TMLHE: variants seen among roughly 807,000 people sequenced by gnomAD.
TMLHE encodes the protein trimethyllysine hydroxylase, epsilon.
In TMLHE, 18 loss-of-function variants were observed where a neutral mutation model predicts 25.7. The observed-to-expected ratio is 0.70, with a 90% confidence interval of 0.48 to 1.04. The LOEUF (loss-of-function observed/expected upper bound fraction) is 1.04, where lower values mean the gene tolerates loss of function less well. Ranked by LOEUF, TMLHE falls within the 50% of genes least tolerant of loss-of-function variation. The pLI, the probability that TMLHE is intolerant of heterozygous loss-of-function variation, is 0.00. For synonymous variants in TMLHE, 105 were observed against 97.0 expected (o/e 1.08, Z -0.49); for missense variants, 236 against 259.0 (o/e 0.91, Z 0.61).
intron 2 of TMLHE, among the ~76,000 whole-genome samples, chrX:155,529,881 T>C (rs2067240007): frequency 8.9e-6 from 1 of 112,129 alleles, no homozygotes; most frequent in Admixed American, 9.5e-5. Flanking sequence ...TTTTGGTTTT[T>C]GTATCCTAAG....
intron 2 of TMLHE, among the ~76,000 whole-genome samples, chrX:155,532,087 T>C (rs1049037791): frequency 9.0e-6 from 1 of 111,396 alleles, no homozygotes; most frequent in African/African-American, 3.3e-5. Flanking sequence ...AACAAACAAA[T>C]ACACAAAATA....
intron 1 of TMLHE, among the ~76,000 whole-genome samples, chrX:155,551,696 G>A (rs1488403970): frequency 9.1e-6 from 1 of 109,855 alleles, no homozygotes; most frequent in Non-Finnish European, 1.9e-5. Context: ...ATTTGCTCCT[G>A]TAAGTTCTCT....
rs200585049 is a variant in TMLHE at position 155,524,606 on chromosome X, G to A, written c.208C>T (p.Arg70Cys). Residue 70 changes from arginine to cysteine, a missense_variant, in exon 3 of 8, where the codon CGC (arginine) becomes TGC (cysteine). Arg to Cys is a radical substitution (Grantham distance 180). Around this residue, in one of 2 missense-constraint regions of TMLHE, gnomAD observed 217 missense variants for 214.6 expected, o/e 1.01. Transcript: ENST00000334398. ...TCTCGAAGCCAGACGTAATCAAAGC[G>A]CATCACGGTATTAGCATATTTCAGC... Reference protein sequence around the residue: ...FELKYANTVMRFDYVWLRDHC... With the variant: ...FELKYANTVMCFDYVWLRDHC... 183 of 1,197,179 alleles carry A rather than the reference G, an allele frequency of 1.5e-4. No homozygotes were observed. Among genetic ancestry groups the A allele is most frequent in the Middle Eastern group, 4.7e-4 (2 of 4,294 alleles).
chrX:155,556,236 A>T (rs782488740), intron 1 of TMLHE, among the ~76,000 whole-genome samples: 9 of 106,144 alleles, frequency 8.5e-5, no homozygotes, highest in African/African-American at 2.8e-4. Context: ...AATTCAGCCA[A>T]CCAGAAAGGA....
intron 1 of TMLHE, among the ~76,000 whole-genome samples, chrX:155,553,935 G>A (rs1407200148): frequency 9.1e-6 from 1 of 110,184 alleles, no homozygotes; most frequent in Non-Finnish European, 1.9e-5. Flanking sequence ...CTATTATTGT[G>A]TATTTTAATT....
Position 155,524,483 on chromosome X carries a change from G to C in TMLHE, c.331C>G (p.Leu111Val). The change falls in exon 3 of 8, where the codon CTG becomes GTG. Residue 111 changes from leucine to valine, a missense_variant. This residue lies in a region of TMLHE where 217 missense variants were observed against 214.6 expected (regional missense o/e 1.01). Coordinates refer to ENST00000334398, the MANE Select transcript of TMLHE (RefSeq NM_018196.4). The stretch of plus-strand genomic sequence containing the variant: ...GTGAAAAAGAGTGTGGTCTCATCCA[G>C]ACGAATGGTCTTTGGCTTGATACAT... Reference protein sequence around the residue: ...DLCIKPKTIRLDETTLFFTWP... With the variant: ...DLCIKPKTIRVDETTLFFTWP... 8.3e-7 allele frequency: 1 copy of C among 1,202,304 alleles called. No individual in the cohort carries two copies. Among genetic ancestry groups the C allele is most frequent in the Non-Finnish European group, 1.1e-6 (1 of 890,870 alleles).
chrX:155,516,858 TG>T (rs1395491179), intron 3 of TMLHE, among the ~76,000 whole-genome samples: 1 of 68,361 alleles, frequency 1.5e-5, no homozygotes, highest in African/African-American at 4.9e-5. Context: ...CACTTTTTGA[TG>T]GGGTTGTTTG....
At chrX:155,513,298 T>C (rs1207390364) in intron 4 of TMLHE, among the ~76,000 whole-genome samples, 1 of 111,410 alleles carries the variant, frequency 9.0e-6, no homozygotes, top group African/African-American at 3.3e-5. Context: ...AAAAAAACAA[T>C]GTATTTAGGA....
intron 3 of TMLHE, among the ~76,000 whole-genome samples, chrX:155,517,685 T>C (rs1557335351): frequency 2.6e-3 from 2 of 771 alleles, no homozygotes; most frequent in Non-Finnish European, 3.2e-3. Flanking sequence ...TGTGTCCTCT[T>C]TTATTTCCTT....
At chrX:155,543,638 A>C (rs782000928) in intron 2 of TMLHE, among the ~76,000 whole-genome samples, 1 of 112,348 alleles carries the variant, frequency 8.9e-6, no homozygotes, top group Non-Finnish European at 1.9e-5. Flanking sequence ...TCCTGTCAAA[A>C]TTTCAATTAC....
intron 1 of TMLHE, among the ~76,000 whole-genome samples, chrX:155,553,568 A>ATT (rs1201199712): frequency 1.8e-5 from 2 of 109,985 alleles, no homozygotes; most frequent in Non-Finnish European, 3.8e-5. Context: ...CATTTTATAT[A>ATT]TCTCTTATAA....
In TMLHE at chrX:155,524,580, G is replaced by T; in HGVS notation, c.234C>A (p.Asp78Glu). 1 of 1,206,118 alleles carries T rather than the reference G, an allele frequency of 8.3e-7. No homozygotes were observed. Residue 78 changes from aspartate (D) to glutamate (E), a missense_variant, in exon 3 of 8, where the codon GAC (aspartate) becomes GAA (glutamate). Around this residue, in one of 2 missense-constraint regions of TMLHE, gnomAD observed 217 missense variants for 214.6 expected, o/e 1.01. Coordinates refer to ENST00000334398, the MANE Select transcript of TMLHE (RefSeq NM_018196.4). ...TGTAGCACGATGCTGAGCGGCAGTG[G>T]TCTCGAAGCCAGACGTAATCAAAGC... ...VMRFDYVWLR[D>E]HCRSASCYNS...
intron 4 of TMLHE, among the ~76,000 whole-genome samples, chrX:155,512,218 C>T (rs1326159820): frequency 4.5e-4 from 49 of 109,483 alleles, no homozygotes; most frequent in Admixed American, 3.8e-3. Flanking sequence ...GCACAATGTG[C>T]AGGTTTGTTA....
At chrX:155,549,358 T>C (rs1046165257) in intron 1 of TMLHE, among the ~76,000 whole-genome samples, 11 of 110,717 alleles carry the variant, frequency 9.9e-5, no homozygotes, top group Non-Finnish European at 2.1e-4. Context: ...TTTTGGATTT[T>C]TTTGTTATTG....
At chrX:155,526,700 T>C (rs886229248) in intron 2 of TMLHE, among the ~76,000 whole-genome samples, 1 of 112,788 alleles carries the variant, frequency 8.9e-6, no homozygotes, top group Non-Finnish European at 1.9e-5. Flanking sequence ...CAGGGCTGTA[T>C]CCTGCAAAGC....
chrX:155,552,831 T>G lies in TMLHE; in HGVS notation c.-1-7554A>C, dbSNP rs978555318. Among the ~76,000 whole-genome samples the G allele has an allele frequency of 2.8e-5, 3 of 108,649 alleles. 1 individual carries two copies. Among genetic ancestry groups the G allele is most frequent in the Non-Finnish European group, 5.7e-5 (3 of 52,814 alleles). 94.3% of individuals were successfully genotyped at this position (108,649 alleles called of 115,157 possible). ...ATTGATTTTTTAGCCTTTCCTCTTT[T>G]GTGGAATATGCATTTTAAGGACACA... On this transcript the variant is annotated intron_variant, in intron 1 of 7. Transcript: ENST00000334398.
intron 1 of TMLHE, among the ~76,000 whole-genome samples, chrX:155,575,132 G>T: frequency 1.8e-5 from 2 of 111,884 alleles, no homozygotes; most frequent in Non-Finnish European, 3.8e-5. Flanking sequence ...ATGAGGGAAA[G>T]ATATGTTCCA....
chrX:155,547,244 A>G (rs1316721511), intron 1 of TMLHE, among the ~76,000 whole-genome samples: 2 of 90,475 alleles, frequency 2.2e-5, no homozygotes, highest in Non-Finnish European at 4.6e-5. Context: ...TCCCGGGTTC[A>G]CGCCATTCTC....
chrX:155,574,198 G>T (rs1298611790), intron 1 of TMLHE, among the ~76,000 whole-genome samples: 1 of 108,283 alleles, frequency 9.2e-6, no homozygotes, highest in Non-Finnish European at 1.9e-5. Flanking sequence ...TCCAGGTAAT[G>T]AGACAGCCAA....
Sources: gnomAD v4.1 joint callset for allele counts (sites outside exome capture counted in the v4.1 genomes callset) on GRCh38, gnomAD v4.1.1 for gene constraint, gnomAD v4.1.1 regional missense constraint, MANE v1.5 for transcripts, NCBI Gene and HGNC (gene_info 2026-07-23, HGNC 2026-07-21) for gene names.